FGF12: variants seen among roughly 807,000 people sequenced by gnomAD.
FGF12 encodes the protein fibroblast growth factor 12B.
FGF12 carries 14 observed loss-of-function variants against 23.6 expected under a neutral mutation model. The ratio of observed to expected loss-of-function variants is 0.59; its 90% CI spans 0.39 to 0.93. The LOEUF (loss-of-function observed/expected upper bound fraction) is 0.93. Among genes scored for constraint, FGF12 ranks in the 40% least tolerant of loss-of-function variants. The probability of loss-of-function intolerance (pLI) is 0.00; values close to 1 mark genes in which losing one functional copy is unlikely to be tolerated. For missense variants in FGF12, 175 were observed against 217.8 expected (o/e 0.80, Z 1.24); for synonymous variants, 62 against 77.3 (o/e 0.80, Z 1.04).
intron 2 of FGF12, among the ~76,000 whole-genome samples, chr3:192,528,556 T>A (rs150000586): frequency 1.3e-3 from 195 of 152,206 alleles, no homozygotes; most frequent in African/African-American, 4.3e-3. Context: ...CCCTCTCAGC[T>A]CTACTAGACA....
chr3:192,146,558 C>T (rs567736759), intron 5 of FGF12, among the ~76,000 whole-genome samples: 1 of 152,264 alleles, frequency 6.6e-6, no homozygotes, highest in East Asian at 1.9e-4. Context: ...CATGAGCCAT[C>T]GCGCCTGGCC....
intron 3 of FGF12, among the ~76,000 whole-genome samples, chr3:192,350,133 T>A (rs996158759): frequency 3.3e-5 from 5 of 152,136 alleles, no homozygotes; most frequent in Non-Finnish European, 5.9e-5. Context: ...AAGCAGGTAT[T>A]GTCAATGCCC....
intron 2 of FGF12, among the ~76,000 whole-genome samples, chr3:192,526,053 T>C (rs1724937809): frequency 6.6e-6 from 1 of 152,202 alleles, no homozygotes; most frequent in African/African-American, 2.4e-5. Context: ...ATTACAGCCA[T>C]GAGCCACCGC....
chr3:192,574,211 A>G (rs1193758097), intron 2 of FGF12, among the ~76,000 whole-genome samples: 1 of 152,254 alleles, frequency 6.6e-6, no homozygotes, highest in East Asian at 1.9e-4. Flanking sequence ...TAGCTAGTCA[A>G]TATTGTTTAT....
chr3:192,299,579 T>A (rs916138926), intron 4 of FGF12, among the ~76,000 whole-genome samples: 7 of 152,204 alleles, frequency 4.6e-5, no homozygotes, highest in Non-Finnish European at 8.8e-5. Flanking sequence ...ATACAATAAG[T>A]CTACAGAAAC....
chr3:192,421,246 T>C (rs901822875), intron 2 of FGF12, among the ~76,000 whole-genome samples: 127 of 152,294 alleles, frequency 8.3e-4, no homozygotes, highest in African/African-American at 3.0e-3. Context: ...TACTCATCCA[T>C]AAAATGAGAA....
chr3:192,440,949 C>T (rs1722184688), intron 2 of FGF12, among the ~76,000 whole-genome samples: 2 of 152,194 alleles, frequency 1.3e-5, no homozygotes, highest in Admixed American at 1.3e-4. Flanking sequence ...ACAGCAGGAA[C>T]CCCATCTTAC....
chr3:192,167,772 A>ATATATATTTT (rs1715302128), intron 5 of FGF12, among the ~76,000 whole-genome samples: 7 of 15,400 alleles, frequency 4.5e-4, no homozygotes, highest in South Asian at 2.5e-3. Context: ...TATATATAAA[A>ATATATATTTT]TTTTTTTTTT....
chr3:192,463,195 G>C, intron 2 of FGF12, among the ~76,000 whole-genome samples: 1 of 152,124 alleles, frequency 6.6e-6, no homozygotes, highest in East Asian at 1.9e-4. Context: ...GAGGCAGGTG[G>C]ATCACTTGAG....
In FGF12 at chr3:192,388,388, C is replaced by T. The variant is rs114647521; in HGVS notation, c.14-27850G>A. Among the ~76,000 whole-genome samples the T allele has an allele frequency of 5.4e-3, 823 of 152,220 alleles. 5 individuals are homozygous for T. Among genetic ancestry groups the T allele is most frequent in the African/African-American group, 0.019 (779 of 41,542 alleles). On this transcript the variant is annotated intron_variant, in intron 2 of 5. Transcript: ENST00000445105. Reference sequence around the variant, plus strand: ...AAATGAGTCATTATATTGAAGGTATCATAATTTATATTGCATTTTATTTAA... The same window carrying T: ...AAATGAGTCATTATATTGAAGGTATTATAATTTATATTGCATTTTATTTAA...
At chr3:192,625,879 G>A (rs1282328568) in intron 2 of FGF12, among the ~76,000 whole-genome samples, 2 of 152,128 alleles carry the variant, frequency 1.3e-5, no homozygotes, top group Non-Finnish European at 2.9e-5. Context: ...ACCATGAACT[G>A]CAATTTTTCC....
At chr3:192,646,628 T>C (rs1716014993) in intron 2 of FGF12, among the ~76,000 whole-genome samples, 1 of 152,170 alleles carries the variant, frequency 6.6e-6, no homozygotes, top group Non-Finnish European at 1.5e-5. Context: ...CCACATATTG[T>C]ATGATTCCAA....
chr3:192,470,251 T>A (rs76896417), intron 2 of FGF12, among the ~76,000 whole-genome samples: 16 of 152,338 alleles, frequency 1.1e-4, no homozygotes, highest in African/African-American at 4.8e-5. Flanking sequence ...GAGGTTTTTT[T>A]AAAAAATTCA....
At chr3:192,343,751 C>T (rs921478145) in intron 3 of FGF12, among the ~76,000 whole-genome samples, 6 of 152,114 alleles carry the variant, frequency 3.9e-5, no homozygotes, top group South Asian at 2.1e-4. Context: ...TATCACAGTG[C>T]TTATTAATAT....
chr3:192,441,043 G>A (rs1051859288), intron 2 of FGF12, among the ~76,000 whole-genome samples: 1 of 152,138 alleles, frequency 6.6e-6, no homozygotes, highest in Admixed American at 6.5e-5. Flanking sequence ...ACTGTTTTGG[G>A]CACCGGCAAT....
intron 2 of FGF12, among the ~76,000 whole-genome samples, chr3:192,606,667 G>C (rs770526523): frequency 6.6e-6 from 1 of 152,002 alleles, no homozygotes; most frequent in Non-Finnish European, 1.5e-5. Context: ...ACATTGATAT[G>C]GTTATTTTCC....
rs148670358 is a variant in FGF12, at chr3:192,505,505, G to A, written c.14-144967C>T. Among the ~76,000 whole-genome samples, 862 of 152,182 alleles carry A rather than the reference G, an allele frequency of 5.7e-3. 10 individuals are homozygous for A. Among genetic ancestry groups the A allele is most frequent in the African/African-American group, 0.02 (819 of 41,530 alleles). On this transcript the variant is annotated intron_variant, in intron 2 of 5. Coordinates refer to ENST00000445105, the MANE Select transcript of FGF12 (RefSeq NM_004113.6). ...TAACTTTTGTTTAAAAAATTCACAC[G>A]CATAGAATAGAAGAGATTATATTGG...
At chr3:192,206,326 C>CA (rs151073827) in intron 4 of FGF12, among the ~76,000 whole-genome samples, 2,151 of 152,248 alleles carry the variant, frequency 0.014, 60 homozygotes, top group African/African-American at 0.049. Context: ...AAGGGAAGAT[C>CA]AATAGCCTGA....
At chr3:192,682,115 A>C (rs1367714691) in intron 2 of FGF12, among the ~76,000 whole-genome samples, 1 of 152,162 alleles carries the variant, frequency 6.6e-6, no homozygotes, top group Non-Finnish European at 1.5e-5. Context: ...GTTTCCTTAG[A>C]CCGGGAGAAA....
Sources: gnomAD v4.1 joint callset for allele counts (sites outside exome capture counted in the v4.1 genomes callset) on GRCh38, gnomAD v4.1.1 for gene constraint, MANE v1.5 for transcripts, NCBI Gene and HGNC (gene_info 2026-07-23, HGNC 2026-07-21) for gene names.